Variants in FMNL2 observed in about 807,000 individuals in gnomAD.
FMNL2 encodes the protein formin-like protein 2.
A neutral mutation model predicts 130.2 loss-of-function variants in FMNL2; 51 were observed. The ratio of observed to expected loss-of-function variants is 0.39; its 90% CI spans 0.31 to 0.49. The LOEUF is 0.49. Among genes scored for constraint, FMNL2 ranks in the 20% least tolerant of loss-of-function variants. FMNL2 has a pLI of 0.85. For missense variants in FMNL2, 977 were observed against 1,316.2 expected (o/e 0.74, Z 3.99); for synonymous variants, 465 against 467.1 (o/e 1.00, Z 0.06).
At chr2:152,606,629 C>CTTTTTTTTTTTTTTTTTTTT (rs70974875) in intron 9 of FMNL2, among the ~76,000 whole-genome samples, 1 of 105,480 alleles carries the variant, frequency 9.5e-6, no homozygotes, top group African/African-American at 3.5e-5. Context: ...TTTTTTGACT[C>CTTTTTTTTTTTTTTTTTTTT]TTTTTTTTTT....
chr2:152,418,881 A>G (rs1686757608), intron 1 of FMNL2, among the ~76,000 whole-genome samples: 1 of 152,064 alleles, frequency 6.6e-6, no homozygotes, highest in African/African-American at 2.4e-5. Flanking sequence ...AGGAAGCATC[A>G]TACTGTTTCC....
chr2:152,501,226 AAG>A (rs1691814398), intron 1 of FMNL2, among the ~76,000 whole-genome samples: 1 of 152,212 alleles, frequency 6.6e-6, no homozygotes. Context: ...AAATGTATTT[AAG>A]GATTATCTCT....
At chr2:152,551,010 G>A (rs746308154) in intron 4 of FMNL2, among the ~76,000 whole-genome samples, 2 of 151,898 alleles carry the variant, frequency 1.3e-5, no homozygotes, top group Non-Finnish European at 2.9e-5. Context: ...ATGGTGGTGC[G>A]TGCTTGTAGT....
chr2:152,338,095 C>G (rs947418276), intron 1 of FMNL2, among the ~76,000 whole-genome samples: 6 of 150,110 alleles, frequency 4.0e-5, no homozygotes, highest in African/African-American at 1.5e-4. Context: ...CTTAAGAAAT[C>G]AGTTCAAACC....
chr2:152,338,820 T>TAC (rs58367779), intron 1 of FMNL2, among the ~76,000 whole-genome samples: 10,703 of 148,832 alleles, frequency 0.072, 559 homozygotes, highest in Admixed American at 0.19. Context: ...GAAGGTGAGA[T>TAC]ACACACACAC....
At position 152,559,166 on chromosome 2, in the gene FMNL2, C is replaced by T. The variant is rs116684845; in HGVS notation, c.443+343C>T. 8.5e-3 allele frequency among the ~76,000 whole-genome samples: 1,290 copies of T among 152,284 alleles called. 16 individuals are homozygous for T. The highest frequency in any genetic ancestry group is 0.029 in the African/African-American group (1,203 of 41,544). ...ATCACTAGGCGATGCAAAAGAGTGA[C>T]TCCCTTTTTCTTTTAAAAATGATGT... On this transcript the variant is annotated intron_variant, in intron 5 of 25. Coordinates refer to ENST00000288670, the MANE Select transcript of FMNL2 (RefSeq NM_052905.4).
intron 1 of FMNL2, among the ~76,000 whole-genome samples, chr2:152,456,078 G>C (rs527640949): frequency 6.6e-6 from 1 of 152,306 alleles, no homozygotes; most frequent in South Asian, 2.1e-4. Flanking sequence ...CTTGACTAAT[G>C]CATTTGAATA....
At chr2:152,519,530 G>T (rs1041155290) in intron 1 of FMNL2, among the ~76,000 whole-genome samples, 4 of 152,196 alleles carry the variant, frequency 2.6e-5, no homozygotes, top group Non-Finnish European at 5.9e-5. Flanking sequence ...GTCTAGTAGA[G>T]TACTAATAGA....
chr2:152,483,384 A>T (rs754772177), intron 1 of FMNL2, among the ~76,000 whole-genome samples: 5 of 152,160 alleles, frequency 3.3e-5, no homozygotes, highest in Non-Finnish European at 4.4e-5. Flanking sequence ...ATTAAAAAAA[A>T]AAATAAAGTG....
chr2:152,412,457 T>C (rs1331733874), intron 1 of FMNL2, among the ~76,000 whole-genome samples: 9 of 7,516 alleles, frequency 1.2e-3, no homozygotes, highest in Non-Finnish European at 2.5e-3. Context: ...TATATATATA[T>C]ATATATATAT....
chr2:152,599,347 A>ATCAT (rs1200181433), intron 9 of FMNL2, among the ~76,000 whole-genome samples: 4 of 144,650 alleles, frequency 2.8e-5, no homozygotes, highest in African/African-American at 1.0e-4. Flanking sequence ...TCGGAAAGAG[A>ATCAT]TCATTTATGA....
chr2:152,468,867 A>G (rs1045510044), intron 1 of FMNL2, among the ~76,000 whole-genome samples: 32 of 152,122 alleles, frequency 2.1e-4, no homozygotes, highest in African/African-American at 7.5e-4. Context: ...TGGCTAGAGA[A>G]CTCATTCAAT....
chr2:152,339,468 C>T (rs1244262486), intron 1 of FMNL2, among the ~76,000 whole-genome samples: 1 of 152,204 alleles, frequency 6.6e-6, no homozygotes, highest in Non-Finnish European at 1.5e-5. Flanking sequence ...TCATTTTTGG[C>T]TTGCAGTCAC....
At chr2:152,558,021 T>C (rs996739870) in intron 4 of FMNL2, among the ~76,000 whole-genome samples, 4 of 152,196 alleles carry the variant, frequency 2.6e-5, no homozygotes, top group African/African-American at 4.8e-5. Context: ...ATCAGGATTA[T>C]TATGAAGAAC....
chr2:152,358,946 A>G (rs768939724), intron 1 of FMNL2, among the ~76,000 whole-genome samples: 7 of 151,884 alleles, frequency 4.6e-5, no homozygotes, highest in Non-Finnish European at 1.0e-4. Flanking sequence ...AAGTGGCTAT[A>G]TTTCCTTGAT....
chr2:152,493,349 G>A (rs1248081618), intron 1 of FMNL2, among the ~76,000 whole-genome samples: 5 of 152,200 alleles, frequency 3.3e-5, no homozygotes, highest in Non-Finnish European at 5.9e-5. Context: ...GAAAAGGAAA[G>A]ATACTGATTC....
At chr2:152,501,985 CCT>C (rs1341291541) in intron 1 of FMNL2, among the ~76,000 whole-genome samples, 1 of 152,108 alleles carries the variant, frequency 6.6e-6, no homozygotes, top group Admixed American at 6.5e-5. Context: ...ACTGTTATGC[CCT>C]GTCATTTAAC....
In FMNL2 at chr2:152,437,762, T is replaced by TC. The variant is rs1002240282; in HGVS notation, c.118-84176dup. Among the ~76,000 whole-genome samples, 36 of 152,292 alleles carry TC rather than the reference T, an allele frequency of 2.4e-4. 1 individual carries two copies. Among genetic ancestry groups the TC allele is most frequent in the African/African-American group, 7.9e-4 (33 of 41,562 alleles). ...AACAGAAACAAAAGTGACACAGTAG[T>TC]CCCCCTCTTGGGCAGTCTTCAAGCA... On this transcript the variant is annotated intron_variant, in intron 1 of 25. Coordinates refer to ENST00000288670, the MANE Select transcript of FMNL2 (RefSeq NM_052905.4).
chr2:152,593,696 G>C (rs937339536), intron 9 of FMNL2, among the ~76,000 whole-genome samples: 2 of 151,986 alleles, frequency 1.3e-5, no homozygotes, highest in African/African-American at 4.8e-5. Flanking sequence ...AATACAATCT[G>C]GGGATTTCTT....
Sources: gnomAD v4.1 joint callset for allele counts (sites outside exome capture counted in the v4.1 genomes callset) on GRCh38, gnomAD v4.1.1 for gene constraint, MANE v1.5 for transcripts, NCBI Gene and HGNC (gene_info 2026-07-23, HGNC 2026-07-21) for gene names.